LYRM4: variants seen among roughly 807,000 people sequenced by gnomAD.
The protein encoded by LYRM4 is LYR motif-containing protein 4.
A neutral mutation model predicts 11.7 loss-of-function variants in LYRM4; 9 were observed. The ratio of observed to expected loss-of-function variants is 0.77; its 90% CI spans 0.46 to 1.34. LYRM4 has a LOEUF of 1.34. Among genes scored for constraint, LYRM4 ranks in the 40% most tolerant of loss-of-function variants. LYRM4 has a pLI of 0.00. For missense variants in LYRM4, 133 were observed against 112.5 expected (o/e 1.18, Z -0.82); for synonymous variants, 42 against 40.4 (o/e 1.04, Z -0.15).
intron 1 of LYRM4, among the ~76,000 whole-genome samples, chr6:5,242,284 G>GGATGGT (rs1763929360): frequency 6.6e-6 from 1 of 151,734 alleles, no homozygotes; most frequent in African/African-American, 2.4e-5. Flanking sequence ...ATGTTAGCCA[G>GGATGGT]GATGGTCTCG....
chr6:5,232,446 G>T (rs1272001875), intron 1 of LYRM4, among the ~76,000 whole-genome samples: 1 of 152,204 alleles, frequency 6.6e-6, no homozygotes, highest in Admixed American at 6.5e-5. Flanking sequence ...GCAACTGAGG[G>T]TCATTACATC....
intron 2 of LYRM4, among the ~76,000 whole-genome samples, chr6:5,148,969 A>G (rs1413871277): frequency 6.6e-6 from 1 of 152,216 alleles, no homozygotes; most frequent in African/African-American, 2.4e-5. Context: ...CATTTTTGAC[A>G]TGATGCTTGC....
chr6:5,035,209 A>C, the LYRM4 span, among the ~76,000 whole-genome samples: 1 of 152,058 alleles, frequency 6.6e-6, no homozygotes, highest in Non-Finnish European at 1.5e-5. Context: ...ACTACCTCGA[A>C]TCACAAGAAT....
At chr6:5,063,148 T>A in the LYRM4 span, among the ~76,000 whole-genome samples, 3 of 152,130 alleles carry the variant, frequency 2.0e-5, no homozygotes, top group African/African-American at 7.2e-5. Flanking sequence ...TGAATAGGAT[T>A]TTTTTTGAAT....
chr6:5,125,350 T>C (rs552529437), intron 2 of LYRM4, among the ~76,000 whole-genome samples: 1 of 152,334 alleles, frequency 6.6e-6, no homozygotes, highest in South Asian at 2.1e-4. Context: ...ATGCTTTGGT[T>C]GCCTCGACAT....
At chr6:5,032,089 G>C in the LYRM4 span, 3 of 152,236 alleles carry the variant, frequency 2.0e-5, no homozygotes, top group Admixed American at 2.0e-4. Context: ...AAAAATGCTA[G>C]TATTTATAAA....
At chr6:5,132,525 C>T (rs1476565649) in intron 2 of LYRM4, among the ~76,000 whole-genome samples, 1 of 152,146 alleles carries the variant, frequency 6.6e-6, no homozygotes, top group Non-Finnish European at 1.5e-5. Context: ...GAGAAGAGTA[C>T]CCAGCCTGTG....
chr6:5,187,420 A>C (rs1760470829), intron 2 of LYRM4, among the ~76,000 whole-genome samples: 1 of 152,242 alleles, frequency 6.6e-6, no homozygotes, highest in Admixed American at 6.5e-5. Flanking sequence ...TAAGTGGCTA[A>C]TTAGATAGAT....
chr6:5,076,885 A>G, the LYRM4 span, among the ~76,000 whole-genome samples: 2 of 152,210 alleles, frequency 1.3e-5, no homozygotes, highest in Non-Finnish European at 2.9e-5. Flanking sequence ...TCTCATGCTC[A>G]TGGCCTCACC....
the LYRM4 span, chr6:5,066,459 T>C: frequency 1.3e-6 from 1 of 758,970 alleles, no homozygotes; most frequent in South Asian, 1.4e-5. Context: ...TATTCCCAAA[T>C]TCTGAAAGAG....
chr6:5,077,229 G>A, the LYRM4 span, among the ~76,000 whole-genome samples: 1 of 152,230 alleles, frequency 6.6e-6, no homozygotes, highest in African/African-American at 2.4e-5. Flanking sequence ...AAGGATTACG[G>A]AAGACATGGT....
At chr6:5,050,643 A>G in the LYRM4 span, among the ~76,000 whole-genome samples, 1 of 152,002 alleles carries the variant, frequency 6.6e-6, no homozygotes, top group African/African-American at 2.4e-5. Flanking sequence ...ACACAAGCCT[A>G]GGGAAAGGTG....
the LYRM4 span, among the ~76,000 whole-genome samples, chr6:5,071,532 TTA>T: frequency 6.6e-6 from 1 of 150,784 alleles, no homozygotes; most frequent in Non-Finnish European, 1.5e-5. Flanking sequence ...ATGATAAACT[TTA>T]TATATATATG....
chr6:5,207,511 T>C (rs1761765143), intron 2 of LYRM4, among the ~76,000 whole-genome samples: 1 of 152,198 alleles, frequency 6.6e-6, no homozygotes, highest in Non-Finnish European at 1.5e-5. Flanking sequence ...CTTTGTCATC[T>C]TGGGAGAAGG....
chr6:5,144,113 G>A, intron 2 of LYRM4: 2 of 1,535,598 alleles, frequency 1.3e-6, no homozygotes, highest in South Asian at 2.4e-5. Flanking sequence ...CTGATCTGAT[G>A]TGACCACATA....
chr6:5,255,183 T>C (rs569526885), intron 1 of LYRM4, among the ~76,000 whole-genome samples: 2 of 152,330 alleles, frequency 1.3e-5, no homozygotes, highest in South Asian at 2.1e-4. Flanking sequence ...CAAGGGACCA[T>C]GGCGGGGGTC....
At chr6:5,048,422 C>T in the LYRM4 span, among the ~76,000 whole-genome samples, 1 of 151,902 alleles carries the variant, frequency 6.6e-6, no homozygotes, top group African/African-American at 2.4e-5. Flanking sequence ...TCAAGTGAGC[C>T]TCCCACCTCA....
intron 2 of LYRM4, among the ~76,000 whole-genome samples, chr6:5,189,872 T>C (rs1760653731): frequency 6.6e-6 from 1 of 152,232 alleles, no homozygotes; most frequent in Non-Finnish European, 1.5e-5. Flanking sequence ...AAGAAATCTT[T>C]ATATAACAGA....
At chr6:5,111,523 A>G (rs1762881230) in intron 2 of LYRM4, among the ~76,000 whole-genome samples, 2 of 152,236 alleles carry the variant, frequency 1.3e-5, no homozygotes, top group Admixed American at 6.5e-5. Flanking sequence ...CGTGAGGAGC[A>G]GAAAGTGAGG....
Sources: allele counts gnomAD v4.1 joint callset (sites outside exome capture counted in the v4.1 genomes callset), GRCh38; gene constraint gnomAD v4.1.1; transcripts MANE v1.5; gene names NCBI Gene and HGNC (gene_info 2026-07-23, HGNC 2026-07-21).